Variants in KIAA1549L observed in about 807,000 individuals in gnomAD.
The protein encoded by KIAA1549L is UPF0606 protein KIAA1549L.
A neutral mutation model predicts 160.7 loss-of-function variants in KIAA1549L; 88 were observed. That is an observed-to-expected ratio of 0.55 (90% CI 0.46 to 0.65). KIAA1549L has a LOEUF of 0.65. Among genes scored for constraint, KIAA1549L ranks in the 30% least tolerant of loss-of-function variants. The probability of loss-of-function intolerance (pLI) is 0.00; values close to 1 mark genes in which losing one functional copy is unlikely to be tolerated. For synonymous variants in KIAA1549L, 950 were observed against 976.7 expected (o/e 0.97, Z 0.51); for missense variants, 2,258 against 2,437.5 (o/e 0.93, Z 1.55).
intron 1 of KIAA1549L, among the ~76,000 whole-genome samples, chr11:33,421,074 G>A (rs1851000785): frequency 6.6e-6 from 1 of 152,154 alleles, no homozygotes; most frequent in African/African-American, 2.4e-5. Context: ...CCTCCCACCT[G>A]GAAAAGTCTC....
intron 1 of KIAA1549L, among the ~76,000 whole-genome samples, chr11:33,382,946 G>A (rs1454100747): frequency 2.0e-5 from 3 of 151,510 alleles, no homozygotes; most frequent in Non-Finnish European, 4.4e-5. Context: ...AATAAAATAA[G>A]GAGGTAGGAA....
At chr11:33,411,969 G>T (rs190480360) in intron 1 of KIAA1549L, among the ~76,000 whole-genome samples, 5 of 152,336 alleles carry the variant, frequency 3.3e-5, no homozygotes, top group East Asian at 1.9e-4. Context: ...CCGCTCACAG[G>T]ATGTCTTGTA....
chr11:33,386,936 G>A (rs1035480923), intron 1 of KIAA1549L, among the ~76,000 whole-genome samples: 5 of 151,872 alleles, frequency 3.3e-5, no homozygotes, highest in Non-Finnish European at 4.4e-5. Flanking sequence ...ATGAAACCCC[G>A]TCTCTACTAA....
At chr11:33,582,286 C>T (rs1855670663) in intron 10 of KIAA1549L, among the ~76,000 whole-genome samples, 1 of 152,112 alleles carries the variant, frequency 6.6e-6, no homozygotes, top group Non-Finnish European at 1.5e-5. Context: ...TGAGGAACCA[C>T]TTGATGTCAG....
At chr11:33,558,902 C>T (rs1171986827) in intron 6 of KIAA1549L, among the ~76,000 whole-genome samples, 4 of 150,042 alleles carry the variant, frequency 2.7e-5, no homozygotes, top group African/African-American at 4.9e-5. Flanking sequence ...GGTGCAATCT[C>T]GGCTGACTGC....
chr11:33,657,745 C>T lies in KIAA1549L; in HGVS notation c.5859-1005C>T, dbSNP rs564193281. ...CCAGGAGGCAGAGGTTGCAGTGAGC[C>T]GAGGTGGTGCCACTGCACTCCAGCC... On this transcript the variant is annotated intron_variant, in intron 18 of 20. Coordinates refer to ENST00000658780, the MANE Select transcript of KIAA1549L (RefSeq NM_012194.3). 2.6e-5 allele frequency among the ~76,000 whole-genome samples: 4 copies of T among 152,210 alleles called. No individual in the cohort carries two copies. The South Asian group carries it at 8.3e-4, about 32-fold the overall frequency.
intron 1 of KIAA1549L, among the ~76,000 whole-genome samples, chr11:33,390,324 A>T (rs933754743): frequency 6.6e-6 from 1 of 152,126 alleles, no homozygotes; most frequent in Non-Finnish European, 1.5e-5. Context: ...TCTTCTTCCT[A>T]TGGCCCAGTT....
chr11:33,606,502 G>T, intron 13 of KIAA1549L, 139 bp from the exon 14 acceptor site: 2 of 758,322 alleles, frequency 2.6e-6, no homozygotes, highest in Non-Finnish European at 2.1e-6. Flanking sequence ...GCGAGTCCTT[G>T]GCACAGAAGC....
chr11:33,489,804 C>T (rs1488183327), intron 1 of KIAA1549L, among the ~76,000 whole-genome samples: 3 of 152,144 alleles, frequency 2.0e-5, no homozygotes, highest in Admixed American at 6.5e-5. Context: ...TAGCTGTGTG[C>T]TCAGGAATGA....
chr11:33,515,064 A>G (rs11032290), intron 1 of KIAA1549L, among the ~76,000 whole-genome samples: 24,064 of 152,142 alleles, frequency 0.16, 2,476 homozygotes, highest in Non-Finnish European at 0.22. Context: ...CTATGTCCAT[A>G]GAAATTGGAA....
chr11:33,607,475 C>A (rs1850537099), intron 14 of KIAA1549L, among the ~76,000 whole-genome samples: 1 of 152,194 alleles, frequency 6.6e-6, no homozygotes, highest in South Asian at 2.1e-4. Context: ...TTTCCTTCAT[C>A]TTCAGCAGCA....
At chr11:33,446,096 CT>C (rs35251793) in intron 1 of KIAA1549L, among the ~76,000 whole-genome samples, 157 of 138,146 alleles carry the variant, frequency 1.1e-3, no homozygotes, top group East Asian at 2.3e-3. Flanking sequence ...AAAGTCCTGT[CT>C]TTTTTTTTTT....
intron 15 of KIAA1549L, 94 bp downstream of exon 15, chr11:33,610,060 T>G: frequency 1.1e-6 from 1 of 889,786 alleles, no homozygotes; most frequent in Non-Finnish European, 1.8e-6. Flanking sequence ...TATCTGGTAC[T>G]GTAGGATTGT....
Position 33,656,096 on chromosome 11 carries a change from G to A in KIAA1549L, c.5845G>A (p.Ala1949Thr), listed in dbSNP as rs575764083. Reference sequence around the variant, plus strand: ...TCCCCGGACTGGTCCTGTGGCTGTCGCTTCTCTCAGGCGGTAACACGTTCC... The same window carrying A: ...TCCCCGGACTGGTCCTGTGGCTGTCACTTCTCTCAGGCGGTAACACGTTCC... ...VPPRTGPVAV[A>T]SLRRSTSDIG... Residue 1949 changes from alanine to threonine, a missense_variant, in exon 18 of 21, where the codon GCT becomes ACT. Ala to Thr is a moderately conservative substitution (Grantham distance 58). Around this residue, in one of 6 missense-constraint regions of KIAA1549L, gnomAD observed 1,359 missense variants for 1,546.6 expected, o/e 0.88. Coordinates refer to ENST00000658780, the MANE Select transcript of KIAA1549L (RefSeq NM_012194.3). The A allele has an allele frequency of 1.1e-5, 17 of 1,612,800 alleles. No homozygotes were observed. The highest frequency in any genetic ancestry group is 2.2e-5 in the East Asian group (1 of 44,876).
rs566350138 is a variant in KIAA1549L at position 33,498,598 on chromosome 11, C to T, written c.239-43204C>T. ...TCTTACATGGCAGCCGACTTCATCC[C>T]AGCAAGAAAACAGAAGCTGCCAGGA... is the stretch of plus-strand genomic sequence containing the variant. On this transcript the variant is annotated intron_variant, in intron 1 of 20. Transcript: ENST00000658780. Among the ~76,000 whole-genome samples the T allele has an allele frequency of 6.7e-4, 102 of 152,292 alleles. 1 individual carries two copies. In the Middle Eastern group the frequency reaches 0.01, roughly 15 times the overall value.
chr11:33,448,894 G>A (rs1851667720), intron 1 of KIAA1549L, among the ~76,000 whole-genome samples: 2 of 152,098 alleles, frequency 1.3e-5, no homozygotes, highest in African/African-American at 4.8e-5. Context: ...CCAGAATTTT[G>A]GCTGGTCCCC....
intron 1 of KIAA1549L, among the ~76,000 whole-genome samples, chr11:33,481,772 C>T (rs943933580): frequency 5.9e-5 from 9 of 152,214 alleles, no homozygotes; most frequent in Non-Finnish European, 8.8e-5. Context: ...GTGCTTGTCT[C>T]ACTCTAGAAA....
At position 33,415,536 on chromosome 11, in the gene KIAA1549L, G is replaced by A. The variant is rs566043250; in HGVS notation, c.238+38647G>A. 5.3e-5 allele frequency among the ~76,000 whole-genome samples: 8 copies of A among 152,278 alleles called. No individual in the cohort carries two copies. In the South Asian group the frequency reaches 8.3e-4, roughly 16 times the overall value. ...CCAAGGTCCTGTTGCAGTGGAAGGC[G>A]TGAACTCAAACACTGCTCCTTCTGG... On this transcript the variant is annotated intron_variant, in intron 1 of 20. Coordinates refer to ENST00000658780, the MANE Select transcript of KIAA1549L (RefSeq NM_012194.3).
intron 1 of KIAA1549L, among the ~76,000 whole-genome samples, chr11:33,468,856 A>AT (rs989203964): frequency 6.6e-6 from 1 of 151,924 alleles, no homozygotes; most frequent in Admixed American, 6.6e-5. Context: ...TGAGCTTATT[A>AT]TTTTTTTTAT....
Sources: allele counts gnomAD v4.1 joint callset (sites outside exome capture counted in the v4.1 genomes callset), GRCh38; gene constraint gnomAD v4.1.1; regional missense constraint gnomAD v4.1.1; transcripts MANE v1.5; gene names NCBI Gene and HGNC (gene_info 2026-07-23, HGNC 2026-07-21).